ACBD6: variants seen among roughly 807,000 people sequenced by gnomAD.
ACBD6 encodes the protein acyl-CoA-binding domain-containing protein 6.
Under a neutral mutation model 37.2 loss-of-function variants are expected in ACBD6, and 28 were observed. The ratio of observed to expected loss-of-function variants is 0.75; its 90% confidence interval spans 0.56 to 1.03. The LOEUF (loss-of-function observed/expected upper bound fraction) is 1.03. Ranked by LOEUF, ACBD6 falls within the 50% of genes least tolerant of loss-of-function variation. The pLI is 0.00. For synonymous variants in ACBD6, 113 were observed against 126.8 expected (o/e 0.89, Z 0.73); for missense variants, 340 against 337.4 (o/e 1.01, Z -0.06).
chr1:180,372,556 AT>A (rs1653299192), intron 6 of ACBD6, among the ~76,000 whole-genome samples: 1 of 152,144 alleles, frequency 6.6e-6, no homozygotes, highest in Non-Finnish European at 1.5e-5. Context: ...TCTATACATT[AT>A]TTTTGAATTA....
Position 180,295,300 on chromosome 1 carries a change from T to C in ACBD6, c.695-6783A>G, listed in dbSNP as rs180741167. ...TTTTTTTTTTTTTTGAGGCGGAGTC[T>C]TGCTCTGTCGCCCAGGCTGAAGTGC... On this transcript the variant is annotated intron_variant, in intron 7 of 7. Coordinates refer to ENST00000367595, the MANE Select transcript of ACBD6 (RefSeq NM_032360.4). Among the ~76,000 whole-genome samples the C allele has an allele frequency of 3.0e-3, 460 of 151,522 alleles. 1 individual carries two copies. Among genetic ancestry groups the C allele is most frequent in the Non-Finnish European group, 5.4e-3 (365 of 67,882 alleles).
intron 6 of ACBD6, among the ~76,000 whole-genome samples, chr1:180,356,014 C>A (rs541611181): frequency 6.7e-6 from 1 of 148,360 alleles, no homozygotes; most frequent in African/African-American, 2.4e-5. Context: ...ACTACAGGCA[C>A]ACGCCACCAC....
intron 3 of ACBD6, among the ~76,000 whole-genome samples, chr1:180,453,139 C>T (rs1649779292): frequency 6.6e-6 from 1 of 152,192 alleles, no homozygotes; most frequent in Admixed American, 6.6e-5. Context: ...GCCAGTATCC[C>T]TGATGAACAT....
At chr1:180,384,963 G>A (rs1020093968) in intron 6 of ACBD6, among the ~76,000 whole-genome samples, 2 of 152,022 alleles carry the variant, frequency 1.3e-5, no homozygotes, top group African/African-American at 2.4e-5. Flanking sequence ...ATCTCATGAA[G>A]GTAGTGGGTA....
At chr1:180,274,111 T>C (rs1648868881) in exon 11 of ACBD6, 13 of 1,578,302 alleles carry the variant, frequency 8.2e-6, no homozygotes, top group Non-Finnish European at 1.1e-5. Context: ...TCATGTGTGT[T>C]CCTAGGTTGT....
intron 6 of ACBD6, among the ~76,000 whole-genome samples, chr1:180,384,736 T>C (rs997975619): frequency 2.6e-5 from 4 of 152,212 alleles, no homozygotes; most frequent in Non-Finnish European, 5.9e-5. Context: ...ATACCAAAGA[T>C]ATGGAATCAA....
Position 180,502,563 on chromosome 1 carries a change from G to C in ACBD6, c.-297C>G. The C allele has an allele frequency of 2.3e-6, 1 of 440,714 alleles. No homozygotes were observed. Among genetic ancestry groups the C allele is most frequent in the South Asian group, 2.1e-5 (1 of 47,760 alleles). 27.3% of individuals were successfully genotyped at this position (440,714 alleles called of 1,614,324 possible). A position where few individuals can be genotyped will look rare whatever the true frequency, so the allele number is the denominator to read the frequency against. On this transcript the variant is annotated 5_prime_UTR_variant, in exon 1 of 8. Transcript: ENST00000367595. The stretch of plus-strand genomic sequence containing the variant: ...GCCTCAGGCCCCTCCAACGGAACAG[G>C]AGTCGAGGGGCAGTGAGGCCGGGAT...
chr1:180,338,338 C>G (rs1651829884), intron 6 of ACBD6, among the ~76,000 whole-genome samples: 1 of 152,072 alleles, frequency 6.6e-6, no homozygotes, highest in African/African-American at 2.4e-5. Flanking sequence ...AGATATGGAC[C>G]AATGGAACAG....
intron 3 of ACBD6, among the ~76,000 whole-genome samples, chr1:180,475,450 G>T (rs1650741859): frequency 6.6e-6 from 1 of 152,164 alleles, no homozygotes; most frequent in Admixed American, 6.5e-5. Context: ...GCCATGGCAT[G>T]ATCAGAGTTC....
At chr1:180,380,069 C>CG (rs1383247838) in intron 6 of ACBD6, among the ~76,000 whole-genome samples, 1 of 151,950 alleles carries the variant, frequency 6.6e-6, no homozygotes, top group Non-Finnish European at 1.5e-5. Flanking sequence ...GAGACCAGCC[C>CG]GGGCAATATG....
intron 3 of ACBD6, among the ~76,000 whole-genome samples, chr1:180,447,455 A>G (rs769679120): frequency 1.1e-4 from 16 of 152,190 alleles, no homozygotes; most frequent in Non-Finnish European, 2.1e-4. Flanking sequence ...GAATTTAAGA[A>G]TAAATATTAT....
At chr1:180,329,932 T>C (rs1651413552) in intron 6 of ACBD6, among the ~76,000 whole-genome samples, 1 of 152,198 alleles carries the variant, frequency 6.6e-6, no homozygotes, top group South Asian at 2.1e-4. Context: ...AACTAACTTG[T>C]TAATCAATAG....
chr1:180,375,142 A>G (rs1462595108), intron 6 of ACBD6, among the ~76,000 whole-genome samples: 1 of 152,204 alleles, frequency 6.6e-6, no homozygotes, highest in Non-Finnish European at 1.5e-5. Flanking sequence ...AACCAGGAAA[A>G]CACTTAAAAA....
intron 6 of ACBD6, among the ~76,000 whole-genome samples, chr1:180,396,044 A>G (rs1484274814): frequency 6.6e-6 from 1 of 152,184 alleles, no homozygotes; most frequent in Non-Finnish European, 1.5e-5. Context: ...AAGCCAGTCA[A>G]AAAGGGACAA....
chr1:180,498,212 G>A (rs550764250), intron 1 of ACBD6, among the ~76,000 whole-genome samples: 23 of 152,340 alleles, frequency 1.5e-4, no homozygotes, highest in African/African-American at 5.1e-4. Context: ...AAGCTGTCAA[G>A]CTCATGGTGG....
At chr1:180,353,937 A>C (rs1652520237) in intron 6 of ACBD6, among the ~76,000 whole-genome samples, 1 of 152,180 alleles carries the variant, frequency 6.6e-6, no homozygotes. Flanking sequence ...TTGTGAGCTA[A>C]AGTTAATGGA....
At position 180,337,312 on chromosome 1, in the gene ACBD6, A is replaced by G. The variant is rs1651767494; in HGVS notation, c.664-22590T>C. On this transcript the variant is annotated intron_variant, in intron 6 of 7. Coordinates refer to ENST00000367595, the MANE Select transcript of ACBD6 (RefSeq NM_032360.4). ...TCAAAAAGCTTATCCACTGTGATCA[A>G]GTGGGCTTCATCCCTGGGATGCAAG... 2.6e-5 allele frequency among the ~76,000 whole-genome samples: 4 copies of G among 152,228 alleles called. No homozygotes were observed. The South Asian group carries it at 8.3e-4, about 32-fold the overall frequency.
At chr1:180,278,874 A>G (rs1268990422) in intron 9 of ACBD6, 1 of 152,184 alleles carries the variant, frequency 6.6e-6, no homozygotes. Flanking sequence ...ATTTATTGCC[A>G]TATGACTTTG....
At chr1:180,340,119 A>G (rs1651919924) in intron 6 of ACBD6, among the ~76,000 whole-genome samples, 1 of 152,162 alleles carries the variant, frequency 6.6e-6, no homozygotes, top group Non-Finnish European at 1.5e-5. Context: ...AGGAAGTTAG[A>G]TTAGTAATAG....
Sources: allele counts gnomAD v4.1 joint callset (sites outside exome capture counted in the v4.1 genomes callset), GRCh38; gene constraint gnomAD v4.1.1; transcripts MANE v1.5; gene names NCBI Gene and HGNC (gene_info 2026-07-23, HGNC 2026-07-21).